RORA: variants seen among roughly 807,000 people sequenced by gnomAD.
RORA encodes the protein RAR related orphan receptor A.
Under a neutral mutation model 69.5 loss-of-function variants are expected in RORA, and 7 were observed. The ratio of observed to expected loss-of-function variants is 0.10; its 90% CI spans 0.06 to 0.19. The LOEUF (loss-of-function observed/expected upper bound fraction) is 0.19. Ranked by LOEUF, RORA falls within the 10% of genes least tolerant of loss-of-function variation. The probability of loss-of-function intolerance (pLI) is 1.00; values close to 1 mark genes in which losing one functional copy is unlikely to be tolerated. For synonymous variants in RORA, 261 were observed against 240.8 expected, an observed-to-expected ratio of 1.08 and a Z score of -0.78; for missense variants, 457 against 663.0, an observed-to-expected ratio of 0.69 and a Z score of 3.41.
intron 1 of RORA, among the ~76,000 whole-genome samples, chr15:61,129,573 C>A (rs1460018744): frequency 6.6e-6 from 1 of 152,070 alleles, no homozygotes; most frequent in Admixed American, 6.6e-5. Context: ...TGCCTGGTAC[C>A]TTTTTAAATG....
intron 1 of RORA, among the ~76,000 whole-genome samples, chr15:61,167,482 ATT>A (rs199752865): frequency 4.7e-4 from 63 of 133,574 alleles, no homozygotes; most frequent in African/African-American, 6.0e-4. Flanking sequence ...TTTGACCAGG[ATT>A]TTTTTTTTTT....
intron 1 of RORA, among the ~76,000 whole-genome samples, chr15:61,117,349 T>C (rs1046438916): frequency 1.3e-5 from 2 of 152,202 alleles, no homozygotes; most frequent in African/African-American, 4.8e-5. Flanking sequence ...TTTGATTAAG[T>C]TCACATTCAC....
intron 2 of RORA, chr15:60,592,284 A>G (rs2068546648): frequency 1.3e-6 from 1 of 796,628 alleles, no homozygotes; most frequent in Admixed American, 4.6e-5. Context: ...CCCGGGCAGT[A>G]CGTGCGTTCG....
At chr15:60,678,887 C>T (rs1000510051) in intron 1 of RORA, among the ~76,000 whole-genome samples, 1 of 152,172 alleles carries the variant, frequency 6.6e-6, no homozygotes. Context: ...GCGACCATCA[C>T]CTCCTGGTTT....
intron 1 of RORA, among the ~76,000 whole-genome samples, chr15:61,000,120 T>C (rs1280130246): frequency 3.3e-5 from 5 of 152,220 alleles, no homozygotes; most frequent in Admixed American, 2.0e-4. Flanking sequence ...TGTAAAATTA[T>C]AGGATATACT....
At chr15:61,043,668 T>G (rs1896888799) in intron 1 of RORA, among the ~76,000 whole-genome samples, 1 of 152,024 alleles carries the variant, frequency 6.6e-6, no homozygotes, top group African/African-American at 2.4e-5. Flanking sequence ...ATTTGCCACA[T>G]CCCAATACAC....
At chr15:60,830,225 G>C (rs1380171383) in intron 1 of RORA, among the ~76,000 whole-genome samples, 2 of 152,124 alleles carry the variant, frequency 1.3e-5, no homozygotes, top group African/African-American at 4.8e-5. Flanking sequence ...ATAGAAGAAA[G>C]AATTATTTAT....
In RORA at chr15:60,800,161, T is replaced by C. The variant is rs556205261; in HGVS notation, c.167-121475A>G. On this transcript the variant is annotated intron_variant, in intron 1 of 10. Coordinates refer to ENST00000335670, the MANE Select transcript of RORA (RefSeq NM_134261.3). ...AATTGGCAAACTTAGACATCAGGGC[T>C]TTTTTTTTCCTTCCTTGCTCAGTAG... 6.9e-4 allele frequency among the ~76,000 whole-genome samples: 105 copies of C among 151,524 alleles called. 2 individuals are homozygous for C. The highest frequency in any genetic ancestry group is 2.4e-3 in the African/African-American group (99 of 41,290).
At chr15:60,833,061 T>C (rs61515388) in intron 1 of RORA, among the ~76,000 whole-genome samples, 1,585 of 144,656 alleles carry the variant, frequency 0.011, 37 homozygotes, top group African/African-American at 0.039. Context: ...CCCACCACCA[T>C]GCCCGGCTAA....
intron 1 of RORA, among the ~76,000 whole-genome samples, chr15:61,217,470 G>C (rs1355812713): frequency 6.6e-6 from 1 of 152,106 alleles, no homozygotes; most frequent in Non-Finnish European, 1.5e-5. Flanking sequence ...AGGCAGAGGA[G>C]GAGGGGAAAG....
chr15:60,628,804 C>A (rs1361433043), intron 2 of RORA, among the ~76,000 whole-genome samples: 3 of 152,176 alleles, frequency 2.0e-5, no homozygotes, highest in South Asian at 2.1e-4. Flanking sequence ...CGGTATGCAC[C>A]CAAATGTCAA....
chr15:60,773,173 C>T (rs1334011405), intron 1 of RORA, among the ~76,000 whole-genome samples: 1 of 152,188 alleles, frequency 6.6e-6, no homozygotes, highest in Non-Finnish European at 1.5e-5. Context: ...CTTGACAAGT[C>T]TATGAAAACT....
At chr15:60,791,821 G>C (rs1429965998) in intron 1 of RORA, among the ~76,000 whole-genome samples, 2 of 152,036 alleles carry the variant, frequency 1.3e-5, no homozygotes, top group African/African-American at 4.8e-5. Flanking sequence ...GGTTGCTAAA[G>C]CAAAAATTAT....
intron 1 of RORA, among the ~76,000 whole-genome samples, chr15:60,891,821 C>T (rs1435386338): frequency 1.3e-5 from 2 of 152,164 alleles, no homozygotes; most frequent in African/African-American, 4.8e-5. Flanking sequence ...ATCCTTTCTC[C>T]CTTCTCCTAA....
intron 1 of RORA, among the ~76,000 whole-genome samples, chr15:61,005,297 T>G (rs1204555827): frequency 6.6e-6 from 1 of 152,050 alleles, no homozygotes; most frequent in Non-Finnish European, 1.5e-5. Context: ...CTGGCCAACA[T>G]GGTGAAACAC....
intron 1 of RORA, among the ~76,000 whole-genome samples, chr15:61,046,514 G>C (rs1897035377): frequency 6.6e-6 from 1 of 152,172 alleles, no homozygotes; most frequent in Non-Finnish European, 1.5e-5. Flanking sequence ...GAGCAGCTTA[G>C]AGATCCACCT....
chr15:61,043,330 C>A (rs990460295), intron 1 of RORA, among the ~76,000 whole-genome samples: 1 of 152,124 alleles, frequency 6.6e-6, no homozygotes, highest in Admixed American at 6.5e-5. Flanking sequence ...GAGATCCATG[C>A]CTCCCAACTC....
At chr15:60,793,115 T>G (rs966149430) in intron 1 of RORA, among the ~76,000 whole-genome samples, 5 of 152,180 alleles carry the variant, frequency 3.3e-5, no homozygotes, top group African/African-American at 1.2e-4. Flanking sequence ...AACTTCTTGG[T>G]GTTTTAGTTT....
intron 1 of RORA, among the ~76,000 whole-genome samples, chr15:61,062,723 C>T (rs1005249010): frequency 2.0e-5 from 3 of 152,076 alleles, no homozygotes; most frequent in African/African-American, 4.8e-5. Context: ...AGAGTGATTA[C>T]GCTCCCTCCT....
Sources: allele counts gnomAD v4.1 joint callset (sites outside exome capture counted in the v4.1 genomes callset), GRCh38; gene constraint gnomAD v4.1.1; transcripts MANE v1.5; gene names NCBI Gene and HGNC (gene_info 2026-07-23, HGNC 2026-07-21).